The following HDAC4 variants were observed in gnomAD, a reference collection of about 807,000 sequenced individuals.
HDAC4 encodes histone deacetylase 4.
A neutral mutation model predicts 135.1 loss-of-function variants in HDAC4; 16 were observed. That is an observed-to-expected ratio of 0.12 (90% confidence interval 0.08 to 0.18). The LOEUF (loss-of-function observed/expected upper bound fraction) is 0.18, where lower values mean the gene tolerates loss of function less well. HDAC4 is among the 10% of genes least tolerant of loss of function. The pLI is 1.00. For synonymous variants in HDAC4, 685 were observed against 653.4 expected (o/e 1.05, Z -0.74); for missense variants, 1,143 against 1,511.8 (o/e 0.76, Z 4.05).
chr2:239,358,596 G>A (rs186372243), intron 1 of HDAC4, among the ~76,000 whole-genome samples: 3 of 152,280 alleles, frequency 2.0e-5, no homozygotes, highest in Non-Finnish European at 2.9e-5. Flanking sequence ...AGCAGGCAGC[G>A]CGCGTAGGGA....
Position 239,115,214 on chromosome 2 carries a change from G to A in HDAC4, c.1630C>T (p.Pro544Ser), listed in dbSNP as rs2039024138. 1.9e-6 allele frequency: 3 copies of A among 1,612,000 alleles called. No individual in the cohort carries two copies. Among genetic ancestry groups the A allele is most frequent in the Non-Finnish European group, 2.5e-6 (3 of 1,179,854 alleles). The change falls in exon 13 of 27, where the codon CCC becomes TCC. Residue 544 changes from proline (P) to serine (S), a missense_variant. Transcript: ENST00000543185. This position sits in a 1 kb window ranked among gnomAD's most constrained non-coding sequence, Gnocchi z 6.3. Reference protein sequence around the residue: ...LREHQALLDEPYLDRLPGQKE... With the variant: ...LREHQALLDESYLDRLPGQKE... ...TGCCCCGGCAGCCGGTCCAGGTAGG[G>A]CTCGTCCAGCAGAGCCTGGTGCTCA...
chr2:239,100,578 G>A (rs1315080406), intron 16 of HDAC4, among the ~76,000 whole-genome samples: 1 of 152,148 alleles, frequency 6.6e-6, no homozygotes, highest in Non-Finnish European at 1.5e-5. Flanking sequence ...CGTTCCTCGG[G>A]CCCTGGGTCC....
At chr2:239,355,754 G>A (rs1693453148) in intron 1 of HDAC4, among the ~76,000 whole-genome samples, 1 of 152,176 alleles carries the variant, frequency 6.6e-6, no homozygotes, top group Non-Finnish European at 1.5e-5. Flanking sequence ...GTCCAGACCT[G>A]AGGACTGCCA....
At chr2:239,335,313 G>A (rs1691856458) in intron 2 of HDAC4, among the ~76,000 whole-genome samples, 1 of 151,266 alleles carries the variant, frequency 6.6e-6, no homozygotes. Context: ...ATACTGTTAG[G>A]CCAACTGAAT....
chr2:239,398,647 C>T (rs1256632943), intron 1 of HDAC4, among the ~76,000 whole-genome samples: 2 of 152,376 alleles, frequency 1.3e-5, no homozygotes, highest in African/African-American at 4.8e-5. Flanking sequence ...GCTACAGCAA[C>T]AGCCCCCAAG....
intron 19 of HDAC4, among the ~76,000 whole-genome samples, chr2:239,084,992 T>TAAGCA (rs2035785219): frequency 7.7e-6 from 1 of 129,042 alleles, no homozygotes; most frequent in Admixed American, 8.4e-5. Flanking sequence ...CATATACACA[T>TAAGCA]AAGCATATAC....
At chr2:239,181,494 C>T (rs1337071855) in intron 4 of HDAC4, among the ~76,000 whole-genome samples, 2 of 152,262 alleles carry the variant, frequency 1.3e-5, no homozygotes, top group Non-Finnish European at 2.9e-5. Flanking sequence ...ACACACCAAG[C>T]ATCTCACCTG....
At chr2:239,366,134 AAC>A (rs1694196839) in intron 1 of HDAC4, among the ~76,000 whole-genome samples, 1 of 93,970 alleles carries the variant, frequency 1.1e-5, no homozygotes, top group South Asian at 3.8e-4. Flanking sequence ...GGCGGACACA[AAC>A]ACGCATGCAC....
At chr2:239,183,549 C>G (rs891689143) in intron 4 of HDAC4, among the ~76,000 whole-genome samples, 5 of 152,236 alleles carry the variant, frequency 3.3e-5, no homozygotes, top group Non-Finnish European at 5.9e-5. Flanking sequence ...CTATGTGTCA[C>G]CTGGCCCCAC....
chr2:239,176,582 G>C lies in HDAC4; in HGVS notation c.340-19C>G. On this transcript the variant is annotated intron_variant, in intron 4 of 26. Coordinates refer to ENST00000543185, the MANE Select transcript of HDAC4 (RefSeq NM_001378414.1). ...GTTGTTGCTGCAAGTGGAAGGAGGA[G>C]ACAGACGGTCAGAGCCCAGGCTCCA... The C allele has an allele frequency of 6.2e-7, 1 of 1,610,664 alleles. No homozygotes were observed.
At chr2:239,097,425 G>A (rs1332106669) in intron 16 of HDAC4, among the ~76,000 whole-genome samples, 1 of 152,248 alleles carries the variant, frequency 6.6e-6, no homozygotes, top group Non-Finnish European at 1.5e-5. Context: ...CCACTGCCTG[G>A]AGTCGTGGCT....
intron 2 of HDAC4, among the ~76,000 whole-genome samples, chr2:239,322,632 C>T (rs74555552): frequency 6.6e-6 from 1 of 152,196 alleles, no homozygotes; most frequent in African/African-American, 2.4e-5. Flanking sequence ...CACCAGTAGA[C>T]CCCAGTGCTT....
chr2:239,262,486 T>C lies in HDAC4; in HGVS notation c.23-25822A>G, dbSNP rs2049431110. On this transcript the variant is annotated intron_variant, in intron 2 of 26. Coordinates refer to ENST00000543185, the MANE Select transcript of HDAC4 (RefSeq NM_001378414.1). This position sits in a 1 kb window ranked among gnomAD's most constrained non-coding sequence, Gnocchi z 4.1. Reference sequence around the variant, plus strand: ...AGAAACAGACGAGGATCTTCTCAAATCACCCTTGCCTTGTTTGCCCAGGTC... The same window carrying C: ...AGAAACAGACGAGGATCTTCTCAAACCACCCTTGCCTTGTTTGCCCAGGTC... Among the ~76,000 whole-genome samples, 1 of 152,158 alleles carries C rather than the reference T, an allele frequency of 6.6e-6. No individual in the cohort carries two copies. Among genetic ancestry groups the C allele is most frequent in the Non-Finnish European group, 1.5e-5 (1 of 68,020 alleles).
intron 17 of HDAC4, chr2:239,091,697 A>C (rs573936084): frequency 4.6e-5 from 7 of 152,160 alleles, no homozygotes; most frequent in Non-Finnish European, 7.3e-5. Flanking sequence ...AAGGTGAGTT[A>C]AAATGCATTT....
At chr2:239,398,613 G>A (rs1357264696) in intron 1 of HDAC4, among the ~76,000 whole-genome samples, 3 of 152,212 alleles carry the variant, frequency 2.0e-5, no homozygotes, top group Admixed American at 6.5e-5. Context: ...CGTGGCCAGC[G>A]TGCCAGGTTG....
At chr2:239,371,533 G>C (rs1352185487) in intron 1 of HDAC4, among the ~76,000 whole-genome samples, 1 of 151,860 alleles carries the variant, frequency 6.6e-6, no homozygotes, top group South Asian at 2.1e-4. Flanking sequence ...AAACACACCC[G>C]ATCACATTCA....
Position 239,302,535 on chromosome 2 carries a change from G to A in HDAC4, c.22+50143C>T, listed in dbSNP as rs564948333. Among the ~76,000 whole-genome samples the A allele has an allele frequency of 1.3e-3, 196 of 152,332 alleles. 2 individuals are homozygous for A. Among genetic ancestry groups the A allele is most frequent in the South Asian group, 2.9e-3 (14 of 4,828 alleles). On this transcript the variant is annotated intron_variant, in intron 2 of 26. Coordinates refer to ENST00000543185, the MANE Select transcript of HDAC4 (RefSeq NM_001378414.1). ...GCTTCCCCCAGGAAGGAGAATCCAC[G>A]TGGGGCCATGACCAAGCACTCCAAA...
chr2:239,066,098 C>A (rs1476927387), intron 24 of HDAC4, among the ~76,000 whole-genome samples: 2 of 151,818 alleles, frequency 1.3e-5, no homozygotes, highest in African/African-American at 4.9e-5. Context: ...CGGGCCCCAG[C>A]GTCATGCTGG....
intron 12 of HDAC4, among the ~76,000 whole-genome samples, chr2:239,122,544 G>T (rs56885032): frequency 3.9e-5 from 6 of 152,166 alleles, no homozygotes; most frequent in African/African-American, 1.4e-4. Flanking sequence ...TACAAGGCAC[G>T]GGCAACAGAA....
Sources: allele counts gnomAD v4.1 joint callset (sites outside exome capture counted in the v4.1 genomes callset), GRCh38; gene constraint gnomAD v4.1.1; non-coding constraint Gnocchi (gnomAD v3.1); transcripts MANE v1.5; gene names NCBI Gene and HGNC (gene_info 2026-07-23, HGNC 2026-07-21).